Variants in IL23R observed in about 807,000 individuals in gnomAD.
IL23R encodes interleukin 23 receptor.
A neutral mutation model predicts 56.9 loss-of-function variants in IL23R; 34 were observed. The observed-to-expected ratio is 0.60, with a 90% confidence interval of 0.45 to 0.80. The LOEUF (loss-of-function observed/expected upper bound fraction) is 0.80. IL23R is among the 30% of genes least tolerant of loss of function. IL23R has a pLI of 0.00. For missense variants in IL23R, 635 were observed against 730.0 expected, an observed-to-expected ratio of 0.87 and a Z score of 1.50; for synonymous variants, 230 against 249.2, an observed-to-expected ratio of 0.92 and a Z score of 0.73.
At position 67,259,656 on chromosome 1, in the gene IL23R, A is replaced by T. The variant is rs1254340547; in HGVS notation, c.*528A>T. 1 of 160,096 alleles carries T rather than the reference A, an allele frequency of 6.2e-6. No homozygotes were observed. Among genetic ancestry groups the T allele is most frequent in the Non-Finnish European group, 1.4e-5 (1 of 73,030 alleles). 9.9% of individuals were successfully genotyped at this position (160,096 alleles called of 1,614,324 possible). A position where few individuals can be genotyped will look rare whatever the true frequency, so the allele number is the denominator to read the frequency against. On this transcript the variant is annotated 3_prime_UTR_variant, in exon 11 of 11. Transcript: ENST00000347310. ...ACCTGGTAGTAAAATAAATGCTGAA[A>T]ATTTTCCTTTAAAATAGAATCATTA...
At chr1:67,175,896 C>T (rs534999740) in intron 3 of IL23R, among the ~76,000 whole-genome samples, 1 of 152,250 alleles carries the variant, frequency 6.6e-6, no homozygotes, top group South Asian at 2.1e-4. Flanking sequence ...TTGGTCATAG[C>T]TCACTGCAGC....
chr1:67,197,601 C>T (rs898089865), intron 4 of IL23R, among the ~76,000 whole-genome samples: 1 of 152,184 alleles, frequency 6.6e-6, no homozygotes, highest in Non-Finnish European at 1.5e-5. Context: ...GGACAAGAGG[C>T]TAGGAGATTT....
chr1:67,213,783 G>A lies in IL23R; in HGVS notation c.799-5791G>A, dbSNP rs1304912245. Reference sequence around the variant, plus strand: ...AAATCGCTTAATGATGCATTTCTCAGAATGTATCCCTGTCGTTAAGTGACA... The same window carrying A: ...AAATCGCTTAATGATGCATTTCTCAAAATGTATCCCTGTCGTTAAGTGACA... On this transcript the variant is annotated intron_variant, in intron 6 of 10. Transcript: ENST00000347310. Among the ~76,000 whole-genome samples the A allele has an allele frequency of 5.3e-5, 8 of 152,184 alleles. No individual in the cohort carries two copies. In the East Asian group the frequency reaches 1.3e-3, roughly 26 times the overall value.
At chr1:67,220,688 G>A (rs1380055985) in intron 7 of IL23R, among the ~76,000 whole-genome samples, 1 of 151,750 alleles carries the variant, frequency 6.6e-6, no homozygotes, top group Non-Finnish European at 1.5e-5. Flanking sequence ...GACAAGATAG[G>A]GAGACCCCAT....
intron 4 of IL23R, among the ~76,000 whole-genome samples, chr1:67,198,083 C>T (rs532850184): frequency 6.6e-6 from 1 of 152,292 alleles, no homozygotes; most frequent in African/African-American, 2.4e-5. Flanking sequence ...ATGCCACACT[C>T]TTTAAAATGA....
At chr1:67,176,811 G>A (rs1570784838) in intron 3 of IL23R, among the ~76,000 whole-genome samples, 1 of 152,088 alleles carries the variant, frequency 6.6e-6, no homozygotes, top group East Asian at 1.9e-4. Flanking sequence ...ACTGGCCCCG[G>A]TGTGTGATGT....
chr1:67,174,725 T>C (rs1466261462), intron 3 of IL23R, among the ~76,000 whole-genome samples: 2 of 152,142 alleles, frequency 1.3e-5, no homozygotes, highest in Non-Finnish European at 2.9e-5. Context: ...AAATTCTAGG[T>C]GTCATTCTAT....
intron 1 of IL23R, among the ~76,000 whole-genome samples, chr1:67,154,133 T>C (rs1646752733): frequency 6.6e-6 from 1 of 152,242 alleles, no homozygotes; most frequent in Admixed American, 6.5e-5. Context: ...CTGTTTGTTA[T>C]GATTTAAGTT....
chr1:67,139,930 T>C (rs1053802217), intron 1 of IL23R, among the ~76,000 whole-genome samples: 5 of 152,134 alleles, frequency 3.3e-5, no homozygotes, highest in African/African-American at 1.2e-4. Flanking sequence ...TAATGGATTA[T>C]CATGGGAGTG....
intron 4 of IL23R, among the ~76,000 whole-genome samples, chr1:67,187,301 T>A (rs6588248): frequency 6.6e-6 from 1 of 152,018 alleles, no homozygotes; most frequent in Admixed American, 6.6e-5. Flanking sequence ...CAAGCCTGAC[T>A]TACCTGCCTT....
At chr1:67,160,071 T>C (rs1646804997) in intron 1 of IL23R, among the ~76,000 whole-genome samples, 1 of 152,170 alleles carries the variant, frequency 6.6e-6, no homozygotes, top group Admixed American at 6.6e-5. Flanking sequence ...CAGGCTGGTC[T>C]CAAATTCCTG....
chr1:67,185,759 G>A (rs148811602), intron 4 of IL23R, among the ~76,000 whole-genome samples: 7 of 152,308 alleles, frequency 4.6e-5, no homozygotes, highest in Admixed American at 1.3e-4. Context: ...GGCAAGAGGC[G>A]TACACCTTTC....
At chr1:67,146,134 GAT>G (rs1238763077) in intron 1 of IL23R, among the ~76,000 whole-genome samples, 1 of 152,130 alleles carries the variant, frequency 6.6e-6, no homozygotes, top group African/African-American at 2.4e-5. Context: ...TTGAGTAACA[GAT>G]GACTGCAGCC....
chr1:67,150,174 G>C (rs1390515478), intron 1 of IL23R, among the ~76,000 whole-genome samples: 1 of 150,322 alleles, frequency 6.7e-6, no homozygotes, highest in Admixed American at 6.6e-5. Flanking sequence ...TATCCAGCTT[G>C]GTCTCTCCTC....
intron 4 of IL23R, among the ~76,000 whole-genome samples, chr1:67,195,019 A>G (rs2102610542): frequency 6.6e-6 from 1 of 152,352 alleles, no homozygotes; most frequent in South Asian, 2.1e-4. Context: ...AATGTGTCAA[A>G]GTCACATATC....
intron 4 of IL23R, among the ~76,000 whole-genome samples, chr1:67,197,993 T>C (rs1648299588): frequency 6.6e-6 from 1 of 151,826 alleles, no homozygotes; most frequent in Admixed American, 6.6e-5. Context: ...CGGTAATTTA[T>C]GAAGAAAAGA....
At chr1:67,182,582 C>T (rs1390473187) in intron 3 of IL23R, among the ~76,000 whole-genome samples, 1 of 152,208 alleles carries the variant, frequency 6.6e-6, no homozygotes, top group African/African-American at 2.4e-5. Flanking sequence ...CCTTGCACTT[C>T]CCGGGTGAGG....
chr1:67,239,000 A>G (rs1435095069), intron 8 of IL23R, among the ~76,000 whole-genome samples: 3 of 152,182 alleles, frequency 2.0e-5, no homozygotes, highest in Non-Finnish European at 4.4e-5. Context: ...TAAGTACCCA[A>G]TAAACATTTG....
intron 7 of IL23R, among the ~76,000 whole-genome samples, chr1:67,226,119 G>A (rs557917908): frequency 1.3e-5 from 2 of 152,342 alleles, no homozygotes; most frequent in African/African-American, 2.4e-5. Flanking sequence ...GGACAGGTGC[G>A]CAGGAGCTGG....
Sources: gnomAD v4.1 joint callset for allele counts (sites outside exome capture counted in the v4.1 genomes callset) on GRCh38, gnomAD v4.1.1 for gene constraint, MANE v1.5 for transcripts, NCBI Gene and HGNC (gene_info 2026-07-23, HGNC 2026-07-21) for gene names.